Variants in DNAL1 observed in about 807,000 individuals in gnomAD.
DNAL1 encodes the protein dynein axonemal light chain 1.
Under a neutral mutation model 29.4 loss-of-function variants are expected in DNAL1, and 17 were observed. The ratio of observed to expected loss-of-function variants is 0.58; its 90% CI spans 0.40 to 0.87. The LOEUF is 0.87. Among genes scored for constraint, DNAL1 ranks in the 40% least tolerant of loss-of-function variants. The probability of loss-of-function intolerance (pLI) is 0.00; values close to 1 mark genes in which losing one functional copy is unlikely to be tolerated. For missense variants in DNAL1, 188 were observed against 214.1 expected (o/e 0.88, Z 0.76); for synonymous variants, 78 against 76.3 (o/e 1.02, Z -0.12).
At chr14:73,660,355 C>T (rs753475026) in intron 3 of DNAL1, among the ~76,000 whole-genome samples, 2 of 152,164 alleles carry the variant, frequency 1.3e-5, no homozygotes, top group Non-Finnish European at 2.9e-5. Flanking sequence ...AATTATACCA[C>T]GTTGCCTTGA....
At chr14:73,679,551 GGAA>G (rs1442352356) in intron 5 of DNAL1, among the ~76,000 whole-genome samples, 2 of 152,140 alleles carry the variant, frequency 1.3e-5, no homozygotes, top group Non-Finnish European at 2.9e-5. Context: ...GCAGAGAAGA[GGAA>G]GAAGCAGAAG....
At chr14:73,679,879 CTT>C (rs142899983) in intron 5 of DNAL1, among the ~76,000 whole-genome samples, 2 of 143,760 alleles carry the variant, frequency 1.4e-5, no homozygotes, top group East Asian at 4.0e-4. Context: ...GGTATCATGT[CTT>C]TTTTTTTTTT....
At chr14:73,667,835 T>C (rs1218797080) in intron 4 of DNAL1, among the ~76,000 whole-genome samples, 2 of 152,196 alleles carry the variant, frequency 1.3e-5, no homozygotes, top group African/African-American at 2.4e-5. Flanking sequence ...AAGTCCATTT[T>C]TCCAGTTGTT....
rs1211275962 is a variant in DNAL1 at position 73,697,712 on chromosome 14, C to T, written c.*1770C>T. On this transcript the variant is annotated 3_prime_UTR_variant, in exon 8 of 8. Coordinates refer to ENST00000553645, the MANE Select transcript of DNAL1 (RefSeq NM_031427.4). ...GAGCCGAGATTGCGCCATTGCACTCCAGCCTGGGCAATAGAGCGAGACTCC... is the reference window on the plus strand; with the variant it reads ...GAGCCGAGATTGCGCCATTGCACTCTAGCCTGGGCAATAGAGCGAGACTCC... 6.7e-6 allele frequency: 1 copy of T among 148,152 alleles called. No individual in the cohort carries two copies. The highest frequency in any genetic ancestry group is 1.5e-5 in the Non-Finnish European group (1 of 67,722). 9.2% of individuals were successfully genotyped at this position (148,152 alleles called of 1,614,324 possible). A position where few individuals can be genotyped will look rare whatever the true frequency, so the allele number is the denominator to read the frequency against.
rs1159140498 is a variant in DNAL1 at position 73,703,461 on chromosome 14, T to A, written c.*7519T>A. 6.6e-6 allele frequency: 1 copy of A among 152,190 alleles called. No individual in the cohort carries two copies. The highest frequency in any genetic ancestry group is 1.5e-5 in the Non-Finnish European group (1 of 68,036). 9.4% of individuals were successfully genotyped at this position (152,190 alleles called of 1,614,324 possible). A position where few individuals can be genotyped will look rare whatever the true frequency, so the allele number is the denominator to read the frequency against. On this transcript the variant is annotated 3_prime_UTR_variant, in exon 8 of 8. Transcript: ENST00000553645. ...TAAAAATAGCCTTAACTGATGACAT[T>A]CCACCATTGTGATTTGTTCCTGCCC...
chr14:73,686,244 T>C (rs1259443129), intron 5 of DNAL1, among the ~76,000 whole-genome samples: 2 of 152,210 alleles, frequency 1.3e-5, no homozygotes, highest in African/African-American at 4.8e-5. Context: ...ACCAGTTTGC[T>C]AAATGACTGT....
In DNAL1 at chr14:73,663,537, CT is replaced by C. The variant is rs201669829; in HGVS notation, c.208+1504del. Among the ~76,000 whole-genome samples the C allele has an allele frequency of 8.3e-3, 1,259 of 151,440 alleles. 24 individuals carry two copies. Among genetic ancestry groups the C allele is most frequent in the African/African-American group, 0.029 (1,191 of 41,346 alleles). ...AGTATGTATTTTTAAATTTTTATTT[CT>C]TTTTTTTTAAATGCTGATCACAACA... On this transcript the variant is annotated intron_variant, in intron 4 of 7. Coordinates refer to ENST00000553645, the MANE Select transcript of DNAL1 (RefSeq NM_031427.4).
chr14:73,654,674 G>A (rs775275165), intron 1 of DNAL1, among the ~76,000 whole-genome samples, 173 bp from the exon 2 acceptor site: 8 of 152,098 alleles, frequency 5.3e-5, no homozygotes, highest in Non-Finnish European at 7.4e-5. Context: ...CAGGAGAATC[G>A]CTTGAACCCA....
chr14:73,658,872 C>G lies in DNAL1; in HGVS notation c.68C>G (p.Ser23Cys). The G allele has an allele frequency of 6.2e-7, 1 of 1,603,786 alleles. No homozygotes were observed. Among genetic ancestry groups the G allele is most frequent in the Non-Finnish European group, 8.5e-7 (1 of 1,174,698 alleles). ...GAAGAGAAAACTGGCCAGAGGCCAT[C>G]TGAAGCCAAAGAGATAAAACTTTAT... The part of the protein sequence containing the change: ...RWEEKTGQRP[S>C]EAKEIKLYAQ... The change falls in exon 3 of 8, where the codon TCT (serine) becomes TGT (cysteine). Residue 23 changes from serine to cysteine, a missense_variant. Transcript: ENST00000553645.
At chr14:73,694,969 G>A (rs997276307) in intron 7 of DNAL1, among the ~76,000 whole-genome samples, 5 of 151,562 alleles carry the variant, frequency 3.3e-5, no homozygotes, top group African/African-American at 9.7e-5. Flanking sequence ...GATTACAGGC[G>A]TGAGCCACCG....
chr14:73,684,435 A>C (rs543981409), intron 5 of DNAL1, among the ~76,000 whole-genome samples: 4 of 152,330 alleles, frequency 2.6e-5, no homozygotes, highest in Non-Finnish European at 2.9e-5. Flanking sequence ...AATAATATAA[A>C]AGCCATTTAT....
intron 5 of DNAL1, among the ~76,000 whole-genome samples, chr14:73,686,189 G>A (rs967410567): frequency 4.6e-5 from 7 of 152,146 alleles, no homozygotes; most frequent in African/African-American, 1.7e-4. Context: ...ATTTTACAGA[G>A]TAAGAAACTG....
intron 5 of DNAL1, among the ~76,000 whole-genome samples, chr14:73,675,957 G>GT (rs1891721687): frequency 6.6e-6 from 1 of 152,120 alleles, no homozygotes; most frequent in African/African-American, 2.4e-5. Flanking sequence ...AGAGGATGCA[G>GT]GAGCCGAGAT....
At chr14:73,674,891 G>A (rs1299933528) in intron 5 of DNAL1, among the ~76,000 whole-genome samples, 5 of 151,106 alleles carry the variant, frequency 3.3e-5, no homozygotes, top group South Asian at 4.2e-4. Context: ...TCACTGTGTC[G>A]CCCAGGCTGG....
intron 5 of DNAL1, among the ~76,000 whole-genome samples, chr14:73,680,968 C>T (rs1891861268): frequency 6.6e-6 from 1 of 152,078 alleles, no homozygotes; most frequent in African/African-American, 2.4e-5. Context: ...AGAAATGATA[C>T]AGGTGTATAG....
chr14:73,688,315 CTG>C (rs1487743994), intron 6 of DNAL1, among the ~76,000 whole-genome samples: 1 of 152,170 alleles, frequency 6.6e-6, no homozygotes, highest in Non-Finnish European at 1.5e-5. Context: ...AATTATAAAA[CTG>C]TGTGATAAGA....
At chr14:73,655,090 CAT>C (rs1891186760) in intron 2 of DNAL1, among the ~76,000 whole-genome samples, 1 of 152,062 alleles carries the variant, frequency 6.6e-6, no homozygotes, top group African/African-American at 2.4e-5. Flanking sequence ...CATACATGCA[CAT>C]GAGCACAAGC....
intron 2 of DNAL1, among the ~76,000 whole-genome samples, chr14:73,657,447 C>G (rs960068963): frequency 6.6e-6 from 1 of 152,180 alleles, no homozygotes; most frequent in African/African-American, 2.4e-5. Context: ...TCCCAGATTG[C>G]TGGTATTACA....
chr14:73,702,137 T>C lies in DNAL1; in HGVS notation c.*6195T>C, dbSNP rs1294075560. 2 of 149,956 alleles carry C rather than the reference T, an allele frequency of 1.3e-5. No individual in the cohort carries two copies. Among genetic ancestry groups the C allele is most frequent in the Non-Finnish European group, 3.0e-5 (2 of 67,552 alleles). 9.3% of individuals were successfully genotyped at this position (149,956 alleles called of 1,614,324 possible). A position where few individuals can be genotyped will look rare whatever the true frequency, so the allele number is the denominator to read the frequency against. The stretch of plus-strand genomic sequence containing the variant: ...CATGAGAGAGAGTGAAAGAGAGAGG[T>C]GTTTTTTGTTTTGTTTTTTTTGAGA... On this transcript the variant is annotated 3_prime_UTR_variant, in exon 8 of 8. Transcript: ENST00000553645.
Sources: gnomAD v4.1 joint callset for allele counts (sites outside exome capture counted in the v4.1 genomes callset) on GRCh38, gnomAD v4.1.1 for gene constraint, MANE v1.5 for transcripts, NCBI Gene and HGNC (gene_info 2026-07-23, HGNC 2026-07-21) for gene names.